Variants in UBE3B observed in about 807,000 individuals in gnomAD.
UBE3B encodes the protein ubiquitin-protein ligase E3B.
In UBE3B, 80 loss-of-function variants were observed where a neutral mutation model predicts 132.3. The ratio of observed to expected loss-of-function variants is 0.60; its 90% confidence interval spans 0.50 to 0.73. The LOEUF is 0.73. Ranked by LOEUF, UBE3B falls within the 30% of genes least tolerant of loss-of-function variation. The pLI, the probability that UBE3B is intolerant of heterozygous loss-of-function variation, is 0.00. For synonymous variants in UBE3B, 487 were observed against 520.4 expected (o/e 0.94, Z 0.87); for missense variants, 1,196 against 1,362.5 (o/e 0.88, Z 1.92).
the UBE3B span, among the ~76,000 whole-genome samples, chr12:109,544,390 G>A: frequency 1.5e-5 from 2 of 134,204 alleles, no homozygotes; most frequent in African/African-American, 2.7e-5. Context: ...GGCGGGGGGC[G>A]GGGCTTCTCC....
chr12:109,488,716 A>G, intron 7 of UBE3B, 48 bp downstream of exon 7: 1 of 1,569,672 alleles, frequency 6.4e-7, no homozygotes, highest in Admixed American at 1.7e-5. Flanking sequence ...ATTTCCATAG[A>G]GAGCTCAGGG....
intron 9 of UBE3B, chr12:109,491,341 A>G: frequency 2.4e-6 from 1 of 412,356 alleles, no homozygotes; most frequent in Non-Finnish European, 4.3e-6. Flanking sequence ...TCAGCCCTGA[A>G]TATTATTGCA....
rs1883436522 is a variant in UBE3B at position 109,536,378 on chromosome 12, C to T, written c.*1596C>T. On this transcript the variant is annotated 3_prime_UTR_variant, in exon 28 of 28. Transcript: ENST00000342494. ...ACATGCGGGGACCCCAGACTGTCAG[C>T]ACAGGGAAGATGGATCCCATCCTAA... 6.6e-6 allele frequency: 1 copy of T among 152,256 alleles called. No homozygotes were observed. Among genetic ancestry groups the T allele is most frequent in the Non-Finnish European group, 1.5e-5 (1 of 68,052 alleles). The allele number at this position is 152,256 out of a possible 1,614,324, so 9.4% of individuals were successfully genotyped here. A position where few individuals can be genotyped will look rare whatever the true frequency, so the allele number is the denominator to read the frequency against.
chr12:109,518,325 C>T (rs1328444913), intron 19 of UBE3B, among the ~76,000 whole-genome samples: 2 of 152,146 alleles, frequency 1.3e-5, no homozygotes, highest in African/African-American at 2.4e-5. Context: ...TGCCATGTGA[C>T]GAGGTGGGCT....
intron 24 of UBE3B, among the ~76,000 whole-genome samples, chr12:109,527,909 G>A (rs531499189): frequency 1.3e-5 from 2 of 152,314 alleles, no homozygotes; most frequent in African/African-American, 4.8e-5. Flanking sequence ...CGTGTCACAT[G>A]GATCCTGCCA....
At chr12:109,514,527 A>G (rs1429868559) in intron 18 of UBE3B, among the ~76,000 whole-genome samples, 2 of 152,044 alleles carry the variant, frequency 1.3e-5, no homozygotes, top group Non-Finnish European at 2.9e-5. Flanking sequence ...TCTCCACCCC[A>G]TACTGGATTG....
In UBE3B at chr12:109,535,960, C is replaced by G. The variant is rs141727825; in HGVS notation, c.*1178C>G. On this transcript the variant is annotated 3_prime_UTR_variant, in exon 28 of 28. Transcript: ENST00000342494. ...TTGACAGCCACCCACCCTCTCCCAC[C>G]TCATGCTCCTGCACCTGCACCACCA... 9.6e-4 allele frequency: 146 copies of G among 152,470 alleles called. 1 individual carries two copies. Among genetic ancestry groups the G allele is most frequent in the African/African-American group, 3.4e-3 (140 of 41,580 alleles). The allele number at this position is 152,470 out of a possible 1,614,324, so 9.4% of individuals were successfully genotyped here.
At chr12:109,529,764 C>T in intron 24 of UBE3B, 126 bp from the exon 25 acceptor site, 1 of 1,082,400 alleles carries the variant, frequency 9.2e-7, no homozygotes, top group Non-Finnish European at 1.4e-6. Context: ...TCTGATGAAA[C>T]ACTCTGGTAC....
chr12:109,506,419 G>C (rs1879687508), intron 14 of UBE3B, among the ~76,000 whole-genome samples: 6 of 152,216 alleles, frequency 3.9e-5, no homozygotes, highest in Admixed American at 3.9e-4. Flanking sequence ...TGCGATCTCG[G>C]CTCACTGCAA....
At chr12:109,502,627 C>CA (rs1470970698) in intron 13 of UBE3B, among the ~76,000 whole-genome samples, 2 of 152,196 alleles carry the variant, frequency 1.3e-5, no homozygotes, top group South Asian at 4.1e-4. Flanking sequence ...TAGAGGTTGT[C>CA]ACGCCTTACT....
At chr12:109,502,425 C>T (rs1427868881) in intron 13 of UBE3B, among the ~76,000 whole-genome samples, 1 of 152,184 alleles carries the variant, frequency 6.6e-6, no homozygotes, top group Non-Finnish European at 1.5e-5. Context: ...GCCACTAATG[C>T]ATAATTTGAC....
intron 18 of UBE3B, among the ~76,000 whole-genome samples, chr12:109,511,721 A>T (rs1880398645): frequency 6.6e-6 from 1 of 152,178 alleles, no homozygotes; most frequent in Non-Finnish European, 1.5e-5. Context: ...CTAGAGCAAG[A>T]CAGCCTTAGA....
rs942708572 is a variant in UBE3B at position 109,521,866 on chromosome 12, C to T, written c.2364+315C>T. Among the ~76,000 whole-genome samples the T allele has an allele frequency of 2.0e-5, 3 of 152,168 alleles. No individual in the cohort carries two copies. Among genetic ancestry groups the T allele is most frequent in the African/African-American group, 7.2e-5 (3 of 41,448 alleles). On this transcript the variant is annotated intron_variant, in intron 21 of 27. Transcript: ENST00000342494. The surrounding 1 kb of genome is among the most constrained non-coding windows in gnomAD (Gnocchi z 4.2). Reference sequence around the variant, plus strand: ...TAAGTGGTAGAGGTGGAATTTGAACCCAGGCCGGCCCAAGTCCTAAGGCCA... The same window carrying T: ...TAAGTGGTAGAGGTGGAATTTGAACTCAGGCCGGCCCAAGTCCTAAGGCCA...
intron 18 of UBE3B, among the ~76,000 whole-genome samples, chr12:109,512,802 G>A (rs1300883324): frequency 6.6e-6 from 1 of 152,170 alleles, no homozygotes; most frequent in East Asian, 1.9e-4. Context: ...ACTCTCAGAA[G>A]TGAAGGGCCT....
intron 9 of UBE3B, among the ~76,000 whole-genome samples, chr12:109,495,922 A>G (rs546990178): frequency 7.9e-5 from 12 of 152,344 alleles, no homozygotes; most frequent in South Asian, 4.1e-4. Flanking sequence ...ACATGTCACA[A>G]TGCTGCAGAG....
At chr12:109,547,034 C>T in the UBE3B span, among the ~76,000 whole-genome samples, 25 of 152,266 alleles carry the variant, frequency 1.6e-4, no homozygotes, top group African/African-American at 6.0e-4. The surrounding 1 kb of genome is among the most constrained non-coding windows in gnomAD (Gnocchi z 4.1). Flanking sequence ...TTGAGAGAGA[C>T]AGACACCAAA....
chr12:109,534,699 C>T lies in UBE3B; in HGVS notation c.3124C>T (p.Leu1042=), dbSNP rs1465025493. The change falls in exon 28 of 28, where the codon CTG becomes TTG. Residue 1042 remains leucine (L), a synonymous_variant. Transcript: ENST00000342494. The surrounding 1 kb of genome is among the most constrained non-coding windows in gnomAD (Gnocchi z 5.2). ...CTCCACCTGCTTCAACCTGCTCAAG[C>T]TGCCCAACTACAGCAAGAAGAGCGT... ...TSSTCFNLLK[L]PNYSKKSVLR... is the part of the protein sequence containing the mutation. The T allele has an allele frequency of 6.2e-7, 1 of 1,608,352 alleles. No homozygotes were observed. The highest frequency in any genetic ancestry group is 1.3e-5 in the African/African-American group (1 of 74,548).
chr12:109,533,762 C>T (rs112116453), intron 27 of UBE3B: 13 of 838,008 alleles, frequency 1.6e-5, no homozygotes, highest in African/African-American at 1.0e-4. Flanking sequence ...ACTCAGCCCT[C>T]TCTCGGCAGC....
chr12:109,525,205 C>T (rs892973256), intron 23 of UBE3B, among the ~76,000 whole-genome samples: 9 of 152,264 alleles, frequency 5.9e-5, no homozygotes, highest in South Asian at 2.1e-4. Context: ...CTGTAAGCAC[C>T]GCTGGGAGCC....
Sources: allele counts gnomAD v4.1 joint callset (sites outside exome capture counted in the v4.1 genomes callset), GRCh38; gene constraint gnomAD v4.1.1; non-coding constraint Gnocchi (gnomAD v3.1); transcripts MANE v1.5; gene names NCBI Gene and HGNC (gene_info 2026-07-23, HGNC 2026-07-21).